The following CDH4 variants were observed in gnomAD, a reference collection of about 807,000 sequenced individuals.
CDH4 encodes cadherin 4, also known as cadherin-4.
CDH4 carries 33 observed loss-of-function variants against 86.0 expected under a neutral mutation model. That is an observed-to-expected ratio of 0.38 (90% CI 0.29 to 0.51). The LOEUF is 0.51. Among genes scored for constraint, CDH4 ranks in the 20% least tolerant of loss-of-function variants. The pLI, the probability that CDH4 is intolerant of heterozygous loss-of-function variation, is 0.86. For synonymous variants in CDH4, 555 were observed against 549.4 expected, an observed-to-expected ratio of 1.01 and a Z score of -0.14; for missense variants, 1,114 against 1,307.4, an observed-to-expected ratio of 0.85 and a Z score of 2.28.
At chr20:61,854,443 A>G (rs59343583) in intron 6 of CDH4, among the ~76,000 whole-genome samples, 160 of 97,470 alleles carry the variant, frequency 1.6e-3, no homozygotes, top group Middle Eastern at 0.019. Context: ...TGTGAACAGG[A>G]TGAATTGTGC....
chr20:61,481,560 A>C (rs1200215855), intron 2 of CDH4, among the ~76,000 whole-genome samples: 1 of 152,204 alleles, frequency 6.6e-6, no homozygotes, highest in Non-Finnish European at 1.5e-5. Flanking sequence ...ATGTTCTTTC[A>C]GCCATTTCTT....
rs78827456 is a variant in CDH4, at chr20:61,609,816, C to G, written c.170-133747C>G. Among the ~76,000 whole-genome samples, 261 of 152,284 alleles carry G rather than the reference C, an allele frequency of 1.7e-3. 1 individual carries two copies. The highest frequency in any genetic ancestry group is 5.7e-3 in the African/African-American group (237 of 41,562). On this transcript the variant is annotated intron_variant, in intron 2 of 15. Transcript: ENST00000614565. The stretch of plus-strand genomic sequence containing the variant: ...GCGAATTCTCCACTCACATCCTTTG[C>G]CATTTAAAATTTGTTTTTCCTGTGT...
intron 2 of CDH4, among the ~76,000 whole-genome samples, chr20:61,323,736 AGG>A (rs1435477362): frequency 6.6e-6 from 1 of 152,138 alleles, no homozygotes; most frequent in African/African-American, 2.4e-5. Flanking sequence ...GGAACACTGA[AGG>A]GGGCTCTCCC....
At chr20:61,736,187 C>T (rs1018180815) in intron 2 of CDH4, among the ~76,000 whole-genome samples, 2 of 152,264 alleles carry the variant, frequency 1.3e-5, no homozygotes, top group African/African-American at 2.4e-5. Flanking sequence ...TCTCGCTGGC[C>T]GAGGGTCTTC....
intron 2 of CDH4, among the ~76,000 whole-genome samples, chr20:61,737,593 T>G (rs909011251): frequency 1.3e-5 from 2 of 152,082 alleles, no homozygotes; most frequent in Non-Finnish European, 2.9e-5. Context: ...CAGACCCCGG[T>G]GTTCAGTAAG....
At chr20:61,345,915 T>A (rs1417821810) in intron 2 of CDH4, among the ~76,000 whole-genome samples, 3 of 152,172 alleles carry the variant, frequency 2.0e-5, no homozygotes, top group African/African-American at 7.2e-5. Context: ...TTCTATTCGA[T>A]CAATGTTTGC....
At chr20:61,477,412 T>C (rs1358093089) in intron 2 of CDH4, among the ~76,000 whole-genome samples, 2 of 152,204 alleles carry the variant, frequency 1.3e-5, no homozygotes, top group Non-Finnish European at 2.9e-5. Context: ...ATTGTCAAGA[T>C]GGCAGACCTG....
At chr20:61,922,624 G>A (rs2054994257) in intron 9 of CDH4, among the ~76,000 whole-genome samples, 1 of 152,244 alleles carries the variant, frequency 6.6e-6, no homozygotes, top group African/African-American at 2.4e-5. Flanking sequence ...GTCTCGCTTA[G>A]GAGGTTGTAG....
chr20:61,878,909 C>T (rs1984159300), intron 7 of CDH4, among the ~76,000 whole-genome samples: 1 of 152,260 alleles, frequency 6.6e-6, no homozygotes, highest in Non-Finnish European at 1.5e-5. Context: ...GCTCTGCTTT[C>T]AGTGTGGGTC....
chr20:61,890,078 A>T (rs867087966), intron 7 of CDH4, among the ~76,000 whole-genome samples: 1 of 123,192 alleles, frequency 8.1e-6, no homozygotes, highest in Non-Finnish European at 1.6e-5. Flanking sequence ...GCATGGGTGG[A>T]TGGATGGATG....
Position 61,761,402 on chromosome 20 carries a change from A to G in CDH4, c.397-11601A>G, listed in dbSNP as rs191864403. ...AGCAATGTACGTTCATAATGCAGGCATGGCCGGTCCTTCCCCAGATGTTTC... is the reference window on the plus strand; with the variant it reads ...AGCAATGTACGTTCATAATGCAGGCGTGGCCGGTCCTTCCCCAGATGTTTC... On this transcript the variant is annotated intron_variant, in intron 3 of 15. Coordinates refer to ENST00000614565, the MANE Select transcript of CDH4 (RefSeq NM_001794.5). 8.5e-5 allele frequency among the ~76,000 whole-genome samples: 13 copies of G among 152,350 alleles called. No homozygotes were observed. The East Asian group carries it at 2.5e-3, about 29-fold the overall frequency.
intron 10 of CDH4, 124 bp from the exon 11 acceptor site, chr20:61,924,210 C>T (rs550215828): frequency 1.3e-5 from 13 of 969,196 alleles, no homozygotes; most frequent in African/African-American, 3.3e-5. Context: ...GCCTGGGGGG[C>T]TCCAAGGAGA....
rs980401073 is a variant in CDH4 at position 61,806,598 on chromosome 20, G to A, written c.576+33416G>A. 7.4e-4 allele frequency among the ~76,000 whole-genome samples: 113 copies of A among 152,092 alleles called. 1 individual carries two copies. The highest frequency in any genetic ancestry group is 3.1e-4 in the Non-Finnish European group (21 of 68,026). On this transcript the variant is annotated intron_variant, in intron 4 of 15. Transcript: ENST00000614565. ...ACGCACACACACATGCAGTACCATCGGAGCAGGTGGAGGGTGGGGGCTGTA... is the reference window on the plus strand; with the variant it reads ...ACGCACACACACATGCAGTACCATCAGAGCAGGTGGAGGGTGGGGGCTGTA...
chr20:61,685,455 G>C (rs561259278), intron 2 of CDH4, among the ~76,000 whole-genome samples: 2 of 152,196 alleles, frequency 1.3e-5, no homozygotes, highest in Non-Finnish European at 2.9e-5. Context: ...CATAATAAAA[G>C]CTTGGGCCCC....
chr20:61,692,842 T>TG (rs2087674669), intron 2 of CDH4, among the ~76,000 whole-genome samples: 1 of 101,516 alleles, frequency 9.9e-6, no homozygotes, highest in African/African-American at 5.4e-5. Flanking sequence ...TTGTTTTTTG[T>TG]TTTTTTTTTT....
At position 61,807,948 on chromosome 20, in the gene CDH4, C is replaced by T. The variant is rs115501984; in HGVS notation, c.576+34766C>T. ...GCACAGTGCTGGGTGGTCTGGGTGC[C>T]GCCTCAGGGCAAGCTGCCATAGCAG... On this transcript the variant is annotated intron_variant, in intron 4 of 15. Coordinates refer to ENST00000614565, the MANE Select transcript of CDH4 (RefSeq NM_001794.5). The surrounding 1 kb of genome is among the most constrained non-coding windows in gnomAD (Gnocchi z 4.5). Among the ~76,000 whole-genome samples, 2 of 152,294 alleles carry T rather than the reference C, an allele frequency of 1.3e-5. No individual in the cohort carries two copies. The highest frequency in any genetic ancestry group is 4.8e-5 in the African/African-American group (2 of 41,566).
chr20:61,877,199 A>G lies in CDH4; in HGVS notation c.1050+3299A>G, dbSNP rs377232092. On this transcript the variant is annotated intron_variant, in intron 7 of 15. Transcript: ENST00000614565. ...CCTACAGATCATGGCAGCTCGGCCAAGGGAGGGCTAGCAGTCCCAGCCACC... is the reference window on the plus strand; with the variant it reads ...CCTACAGATCATGGCAGCTCGGCCAGGGGAGGGCTAGCAGTCCCAGCCACC... 3.9e-4 allele frequency among the ~76,000 whole-genome samples: 59 copies of G among 152,230 alleles called. 1 individual carries two copies. In the East Asian group the frequency reaches 8.3e-3, roughly 22 times the overall value.
intron 2 of CDH4, among the ~76,000 whole-genome samples, chr20:61,717,279 C>T (rs186461053): frequency 1.8e-4 from 28 of 152,284 alleles, no homozygotes; most frequent in Admixed American, 5.9e-4. Flanking sequence ...ACCATGCCAC[C>T]GGGAGCTAGT....
chr20:61,890,801 G>A lies in CDH4; in HGVS notation c.1051-4109G>A, dbSNP rs150568893. Among the ~76,000 whole-genome samples the A allele has an allele frequency of 1.6e-3, 241 of 152,178 alleles. 3 individuals are homozygous for A. Among genetic ancestry groups the A allele is most frequent in the African/African-American group, 5.5e-3 (229 of 41,526 alleles). On this transcript the variant is annotated intron_variant, in intron 7 of 15. Transcript: ENST00000614565. ...GGTAAATGTCAGCTCTGTTAGACAC[G>A]ACTCATTAACTTGGTTCCCTCAACA...
Sources: gnomAD v4.1 joint callset for allele counts (sites outside exome capture counted in the v4.1 genomes callset) on GRCh38, gnomAD v4.1.1 for gene constraint, Gnocchi (gnomAD v3.1) non-coding constraint, MANE v1.5 for transcripts, NCBI Gene and HGNC (gene_info 2026-07-23, HGNC 2026-07-21) for gene names.